TLE2: variants seen among roughly 807,000 people sequenced by gnomAD.
The protein encoded by TLE2 is TLE family member 2, transcriptional corepressor, also known as transducin-like enhancer protein 2.
TLE2 carries 74 observed loss-of-function variants against 97.2 expected under a neutral mutation model. That is an observed-to-expected ratio of 0.76 (90% CI 0.63 to 0.92). The LOEUF (loss-of-function observed/expected upper bound fraction) is 0.92, where lower values mean the gene tolerates loss of function less well. Among genes scored for constraint, TLE2 ranks in the 40% least tolerant of loss-of-function variants. The probability of loss-of-function intolerance (pLI) is 0.00; values close to 1 mark genes in which losing one functional copy is unlikely to be tolerated. For synonymous variants in TLE2, 499 were observed against 432.1 expected (o/e 1.15, Z -1.92); for missense variants, 1,038 against 1,008.7 (o/e 1.03, Z -0.39).
chr19:3,025,677 G>T (rs1405544484), intron 4 of TLE2: 3 of 930,626 alleles, frequency 3.2e-6, no homozygotes, highest in East Asian at 2.3e-4. Flanking sequence ...CGTGTGGGTG[G>T]GGAAGGGGGC....
chr19:3,027,783 G>A, intron 4 of TLE2, 46 bp downstream of exon 4: 7 of 1,593,716 alleles, frequency 4.4e-6, no homozygotes, highest in Non-Finnish European at 6.0e-6. Context: ...AGGGCTTCCA[G>A]ACCCCCACCC....
intron 8 of TLE2, 200 bp from the exon 9 acceptor site, chr19:3,015,960 G>C: frequency 1.5e-6 from 1 of 663,774 alleles, no homozygotes; most frequent in Non-Finnish European, 2.8e-6. Context: ...TGTTTTTGAC[G>C]GAGTCTTGCT....
intron 5 of TLE2, among the ~76,000 whole-genome samples, chr19:3,024,610 G>T (rs572269854): frequency 3.3e-5 from 5 of 152,044 alleles, no homozygotes; most frequent in Admixed American, 1.3e-4. Flanking sequence ...CTGAGTAAGC[G>T]TACCCATCAT....
intron 17 of TLE2, among the ~76,000 whole-genome samples, chr19:3,003,639 GAAACAAA>G (rs1568231359): frequency 2.0e-5 from 3 of 147,598 alleles, no homozygotes; most frequent in African/African-American, 5.2e-5. Flanking sequence ...CTCTGTCTCA[GAAACAAA>G]AAACAAAAAA....
chr19:3,017,965 C>CT (rs1364403398), intron 7 of TLE2, 106 bp from the exon 8 acceptor site: 3 of 986,684 alleles, frequency 3.0e-6, no homozygotes, highest in Non-Finnish European at 4.6e-6. Flanking sequence ...CCCCCCGCCC[C>CT]CACCACCCCA....
At chr19:3,043,717 G>A (rs1448258855) in intron 1 of TLE2, among the ~76,000 whole-genome samples, 1 of 152,048 alleles carries the variant, frequency 6.6e-6, no homozygotes, top group Non-Finnish European at 1.5e-5. Flanking sequence ...GGCTGAGGCA[G>A]GAGAATGGCG....
intron 4 of TLE2, 121 bp from the exon 5 acceptor site, chr19:3,025,203 GCA>G (rs775519068): frequency 5.8e-5 from 66 of 1,132,252 alleles, no homozygotes; most frequent in Non-Finnish European, 7.9e-5. Flanking sequence ...GCCCGCAGGT[GCA>G]CAGAGGGAAC....
In TLE2 at chr19:3,019,756, G is replaced by C; in HGVS notation, c.312C>G (p.Leu104=). Residue 104 remains leucine (L), a synonymous_variant, in exon 6 of 20, where the codon CTC becomes CTG. Transcript: ENST00000262953. The surrounding 1 kb of genome is among the most constrained non-coding windows in gnomAD (Gnocchi z 5.1). ...FLTQEHQQQV[L]QAVERAKQVT... ...CCTGCTTGGCGCGTTCTACGGCCTG[G>C]AGCACCTGCTGCTGATGCTGGCGGG... 6.2e-7 allele frequency: 1 copy of C among 1,613,164 alleles called. No homozygotes were observed. The highest frequency in any genetic ancestry group is 8.5e-7 in the Non-Finnish European group (1 of 1,179,660).
At chr19:3,017,447 T>C (rs2145171513) in intron 8 of TLE2, among the ~76,000 whole-genome samples, 1 of 126,076 alleles carries the variant, frequency 7.9e-6, no homozygotes, top group Non-Finnish European at 1.6e-5. Context: ...TTTTTTTCTT[T>C]CTTTCTTTTT....
intron 4 of TLE2, among the ~76,000 whole-genome samples, chr19:3,027,628 G>A (rs532514612): frequency 6.6e-6 from 1 of 152,258 alleles, no homozygotes; most frequent in Non-Finnish European, 1.5e-5. Context: ...GTCTTCAGAA[G>A]GTGGGACTCA....
At position 3,027,129 on chromosome 19, in the gene TLE2, C is replaced by G. The variant is rs1201755196; in HGVS notation, c.231+700G>C. Among the ~76,000 whole-genome samples, 4 of 152,178 alleles carry G rather than the reference C, an allele frequency of 2.6e-5. No homozygotes were observed. The East Asian group carries it at 7.7e-4, about 29-fold the overall frequency. On this transcript the variant is annotated intron_variant, in intron 4 of 19. Transcript: ENST00000262953. Reference sequence around the variant, plus strand: ...AGAACCCTGAGGTCTATCTCTGAACCTTGAGGTCAATCTCAGAACCCTGAG... The same window carrying G: ...AGAACCCTGAGGTCTATCTCTGAACGTTGAGGTCAATCTCAGAACCCTGAG...
chr19:3,039,878 T>A (rs774186956), intron 1 of TLE2, among the ~76,000 whole-genome samples: 3 of 152,158 alleles, frequency 2.0e-5, no homozygotes, highest in Non-Finnish European at 2.9e-5. Flanking sequence ...AAGCCTGGGT[T>A]CAAACCCCAC....
Position 3,014,622 on chromosome 19 carries a change from A to T in TLE2, c.679-8T>A. On this transcript the variant is annotated splice_region_variant and splice_polypyrimidine_tract_variant and intron_variant, in intron 9 of 19. Coordinates refer to ENST00000262953, the MANE Select transcript of TLE2 (RefSeq NM_003260.5). The stretch of plus-strand genomic sequence containing the variant: ...CTTGTCTTCGTCGCTTTCCTGGGGG[A>T]AGATGGGGGAGAGAGCTCATTGTGG... 1 of 1,588,944 alleles carries T rather than the reference A, an allele frequency of 6.3e-7. No individual in the cohort carries two copies. Among genetic ancestry groups the T allele is most frequent in the Non-Finnish European group, 8.6e-7 (1 of 1,167,226 alleles).
At chr19:3,017,715 G>C in intron 8 of TLE2, 125 bp downstream of exon 8, 1 of 834,586 alleles carries the variant, frequency 1.2e-6, no homozygotes, top group Non-Finnish European at 1.8e-6. Flanking sequence ...GCCTACCAAA[G>C]TGCTGGGATC....
In TLE2 at chr19:3,002,380, C is replaced by G; in HGVS notation, c.2020G>C (p.Val674Leu). Residue 674 changes from valine to leucine, a missense_variant, in exon 18 of 20, where the codon GTG becomes CTG. Val to Leu is a conservative substitution (Grantham distance 32). Transcript: ENST00000262953. Reference sequence around the variant, plus strand: ...CAGGAGGCAAACTTCAGGGACAGCACGCAGCTCTCGTGGAGGTGCAGCTGG... The same window carrying G: ...CAGGAGGCAAACTTCAGGGACAGCAGGCAGCTCTCGTGGAGGTGCAGCTGG... Reference protein sequence around the residue: ...KYQLHLHESCVLSLKFASCGR... With the variant: ...KYQLHLHESCLLSLKFASCGR... 6.2e-7 allele frequency: 1 copy of G among 1,613,614 alleles called. No individual in the cohort carries two copies. Among genetic ancestry groups the G allele is most frequent in the South Asian group, 1.1e-5 (1 of 91,024 alleles).
chr19:3,046,928 CT>C (rs2090145993), upstream of TLE2, among the ~76,000 whole-genome samples: 1 of 119,494 alleles, frequency 8.4e-6, no homozygotes, highest in African/African-American at 3.1e-5. Flanking sequence ...CCTCCCCCTC[CT>C]CTGCCTCCCC....
At chr19:3,040,991 T>TTATATATATATATATATATATATATGTA (rs1168113732) in intron 1 of TLE2, among the ~76,000 whole-genome samples, 1 of 29,732 alleles carries the variant, frequency 3.4e-5, no homozygotes, top group Non-Finnish European at 5.7e-5. Context: ...CTGCTGCCAT[T>TTATATATATATATATATATATATATGTA]TATATATATA....
rs376590696 is a variant in TLE2, at chr19:3,000,683, G to A, written c.2088C>T (p.Asn696=). The A allele has an allele frequency of 5.8e-5, 92 of 1,594,020 alleles. No homozygotes were observed. Among genetic ancestry groups the A allele is most frequent in the South Asian group, 1.1e-4 (10 of 87,534 alleles). ...FVSTGKDNLL[N]AWRTPYGASI... ...TGGCCCCGTACGGCGTCCTCCAGGC[G>A]TTGAGCAGGTTGTCCTTCCCGGTGC... is the stretch of plus-strand genomic sequence containing the variant. Residue 696 remains asparagine, a synonymous_variant, in exon 19 of 20, where the codon AAC becomes AAT. Transcript: ENST00000262953.
At chr19:3,008,592 A>G (rs1259129752) in intron 14 of TLE2, among the ~76,000 whole-genome samples, 3 of 152,064 alleles carry the variant, frequency 2.0e-5, no homozygotes, top group Non-Finnish European at 4.4e-5. Flanking sequence ...CTGGGATTAC[A>G]GGTGCCCGCC....
Sources: gnomAD v4.1 joint callset for allele counts (sites outside exome capture counted in the v4.1 genomes callset) on GRCh38, gnomAD v4.1.1 for gene constraint, Gnocchi (gnomAD v3.1) non-coding constraint, MANE v1.5 for transcripts, NCBI Gene and HGNC (gene_info 2026-07-23, HGNC 2026-07-21) for gene names.